Variants in CNBD1 observed in about 807,000 individuals in gnomAD.
The protein encoded by CNBD1 is cyclic nucleotide binding domain containing 1.
CNBD1 carries 71 observed loss-of-function variants against 54.4 expected under a neutral mutation model. The ratio of observed to expected loss-of-function variants is 1.30; its 90% CI spans 1.08 to 1.59. CNBD1 has a LOEUF of 1.59. Ranked by LOEUF, CNBD1 falls within the 40% of genes most tolerant of loss-of-function variation. The pLI, the probability that CNBD1 is intolerant of heterozygous loss-of-function variation, is 0.00. For synonymous variants in CNBD1, 182 were observed against 170.7 expected (o/e 1.07, Z -0.51); for missense variants, 659 against 518.0 (o/e 1.27, Z -2.64).
intron 4 of CNBD1, among the ~76,000 whole-genome samples, chr8:86,981,842 T>C (rs776909302): frequency 1.3e-5 from 2 of 152,250 alleles, no homozygotes; most frequent in Admixed American, 1.3e-4. Context: ...TATCTGACTA[T>C]TGTGAATAAT....
chr8:87,195,386 A>G (rs1379768435), intron 4 of CNBD1, among the ~76,000 whole-genome samples: 1 of 150,432 alleles, frequency 6.6e-6, no homozygotes, highest in Non-Finnish European at 1.5e-5. Context: ...ATGCCATCAC[A>G]CCTGGCTAAT....
At chr8:86,920,424 T>C (rs747613918) in intron 3 of CNBD1, among the ~76,000 whole-genome samples, 3 of 152,212 alleles carry the variant, frequency 2.0e-5, no homozygotes, top group Non-Finnish European at 2.9e-5. Context: ...CATTTTCTCT[T>C]AGTTTGTGTT....
intron 8 of CNBD1, among the ~76,000 whole-genome samples, chr8:87,305,009 C>G (rs898941263): frequency 6.6e-6 from 1 of 152,032 alleles, no homozygotes; most frequent in African/African-American, 2.4e-5. Context: ...CTTGAAAACC[C>G]TAAGGATTCC....
intron 8 of CNBD1, among the ~76,000 whole-genome samples, chr8:87,309,008 A>T (rs1160523238): frequency 6.6e-6 from 1 of 152,140 alleles, no homozygotes; most frequent in Non-Finnish European, 1.5e-5. Flanking sequence ...ACATTTACAT[A>T]GATTCCATAA....
chr8:87,423,908 G>T (rs1179799173), intron 2 of CNBD1, among the ~76,000 whole-genome samples: 2 of 152,130 alleles, frequency 1.3e-5, no homozygotes, highest in Non-Finnish European at 2.9e-5. Context: ...TCTAGTCCTG[G>T]ACTCTTTTTG....
chr8:87,313,022 A>T (rs1809301981), intron 8 of CNBD1, among the ~76,000 whole-genome samples: 1 of 151,982 alleles, frequency 6.6e-6, no homozygotes, highest in Non-Finnish European at 1.5e-5. Flanking sequence ...TCATTATGTA[A>T]TTTTGGCTGC....
rs1001791347 is a variant in CNBD1 at position 87,109,684 on chromosome 8, G to A, written c.432-96309G>A. On this transcript the variant is annotated intron_variant, in intron 4 of 10. Transcript: ENST00000518476. ...CTCCCGAGTAGCTGGGACTACAGGC[G>A]CCCGCCACCACACCCGGCTAATTTT... Among the ~76,000 whole-genome samples, 13 of 151,418 alleles carry A rather than the reference G, an allele frequency of 8.6e-5. No homozygotes were observed. In the East Asian group the frequency reaches 9.8e-4, roughly 11 times the overall value.
intron 4 of CNBD1, among the ~76,000 whole-genome samples, chr8:87,153,915 T>C (rs943125877): frequency 2.6e-5 from 4 of 152,038 alleles, no homozygotes; most frequent in African/African-American, 9.7e-5. Flanking sequence ...TTAGGGAGCA[T>C]TGGAAAGAGG....
In CNBD1 at chr8:87,040,417, C is replaced by A. The variant is rs200978875; in HGVS notation, c.431+100663C>A. Among the ~76,000 whole-genome samples the A allele has an allele frequency of 3.9e-5, 5 of 128,728 alleles. No homozygotes were observed. The South Asian group carries it at 7.9e-4, about 20-fold the overall frequency. The allele number at this position is 128,728 out of a possible 152,430, so 84.5% of individuals were successfully genotyped here. A position where few individuals can be genotyped will look rare whatever the true frequency, so the allele number is the denominator to read the frequency against. The stretch of plus-strand genomic sequence containing the variant: ...ACTTTGTGCTTTGTTGTAATGAATT[C>A]TTTTTCTTTTTTTTTTTTTTTTTTG... On this transcript the variant is annotated intron_variant, in intron 4 of 10. Transcript: ENST00000518476.
intron 9 of CNBD1, among the ~76,000 whole-genome samples, chr8:87,352,271 G>T (rs996192910): frequency 6.6e-6 from 1 of 152,068 alleles, no homozygotes; most frequent in Non-Finnish European, 1.5e-5. Flanking sequence ...ACGAGATCAG[G>T]AGATCGAGAC....
intron 4 of CNBD1, 115 bp downstream of exon 4, chr8:86,939,869 G>A: frequency 1.6e-6 from 1 of 627,618 alleles, no homozygotes; most frequent in Non-Finnish European, 2.7e-6. Flanking sequence ...CAGCACTCAT[G>A]GTTGATTCAG....
rs141220037 is a variant in CNBD1 at position 87,337,187 on chromosome 8, G to C, written c.1043-14498G>C. Among the ~76,000 whole-genome samples, 1,040 of 152,272 alleles carry C rather than the reference G, an allele frequency of 6.8e-3. 11 individuals are homozygous for C. Among genetic ancestry groups the C allele is most frequent in the African/African-American group, 0.024 (981 of 41,550 alleles). On this transcript the variant is annotated intron_variant, in intron 8 of 10. Transcript: ENST00000518476. Reference sequence around the variant, plus strand: ...GGATCTTACCCAGCTTGGTGGGATGGGAAGAAGGACCCATTTAACAAGGCA... The same window carrying C: ...GGATCTTACCCAGCTTGGTGGGATGCGAAGAAGGACCCATTTAACAAGGCA...
At chr8:86,882,928 C>A (rs1194920029) in intron 1 of CNBD1, among the ~76,000 whole-genome samples, 4 of 152,050 alleles carry the variant, frequency 2.6e-5, no homozygotes, top group Non-Finnish European at 4.4e-5. Flanking sequence ...GAACAGAACA[C>A]CAAATACCAC....
chr8:86,917,159 AATAT>A (rs1015866380), intron 3 of CNBD1, among the ~76,000 whole-genome samples: 31 of 114,152 alleles, frequency 2.7e-4, no homozygotes, highest in African/African-American at 8.5e-4. Flanking sequence ...AAAAAAAAAG[AATAT>A]CTAGATAGTT....
chr8:86,872,989 G>A (rs938932380), intron 1 of CNBD1, among the ~76,000 whole-genome samples: 1 of 152,058 alleles, frequency 6.6e-6, no homozygotes, highest in Non-Finnish European at 1.5e-5. Context: ...CAGGAGGATC[G>A]CTTGAGCCCA....
intron 1 of CNBD1, among the ~76,000 whole-genome samples, chr8:86,881,913 G>A (rs574904767): frequency 6.6e-6 from 1 of 152,222 alleles, no homozygotes; most frequent in South Asian, 2.1e-4. Flanking sequence ...ATAGGTAATG[G>A]GAAAAAGATT....
intron 2 of CNBD1, among the ~76,000 whole-genome samples, chr8:87,409,478 A>G (rs147668772): frequency 6.6e-6 from 1 of 152,302 alleles, no homozygotes; most frequent in East Asian, 1.9e-4. Flanking sequence ...ATGCTGCAGC[A>G]AATTATCCAG....
chr8:87,215,013 G>A (rs1012484310), intron 5 of CNBD1, among the ~76,000 whole-genome samples: 3 of 152,120 alleles, frequency 2.0e-5, no homozygotes, highest in African/African-American at 7.2e-5. Context: ...ATACATTAAT[G>A]CCAAACTTAT....
intron 8 of CNBD1, among the ~76,000 whole-genome samples, chr8:87,306,946 G>A (rs768056517): frequency 6.6e-6 from 1 of 151,638 alleles, no homozygotes; most frequent in South Asian, 2.1e-4. Flanking sequence ...AGGATATGGG[G>A]GAACAGAAAA....
Sources: gnomAD v4.1 joint callset for allele counts (sites outside exome capture counted in the v4.1 genomes callset) on GRCh38, gnomAD v4.1.1 for gene constraint, MANE v1.5 for transcripts, NCBI Gene and HGNC (gene_info 2026-07-23, HGNC 2026-07-21) for gene names.